Variants in CSMD1 observed in about 807,000 individuals in gnomAD.
CSMD1 encodes the protein CUB and sushi domain-containing protein 1.
Under a neutral mutation model 417.5 loss-of-function variants are expected in CSMD1, and 213 were observed. The ratio of observed to expected loss-of-function variants is 0.51; its 90% CI spans 0.46 to 0.57. CSMD1 has a LOEUF of 0.57. CSMD1 is among the 20% of genes least tolerant of loss of function. The pLI is 0.00. For synonymous variants in CSMD1, 2,862 were observed against 1,736.8 expected (o/e 1.65, Z -16.11); for missense variants, 6,923 against 4,529.7 (o/e 1.53, Z -15.17).
chr8:3,814,947 C>CA (rs1801292197), intron 5 of CSMD1, among the ~76,000 whole-genome samples: 1 of 151,742 alleles, frequency 6.6e-6, no homozygotes, highest in Non-Finnish European at 1.5e-5. Context: ...GTCAGCCATC[C>CA]CAAAAAAATG....
At chr8:3,408,849 T>A (rs909461058) in intron 13 of CSMD1, among the ~76,000 whole-genome samples, 1 of 152,180 alleles carries the variant, frequency 6.6e-6, no homozygotes, top group Non-Finnish European at 1.5e-5. Flanking sequence ...ATCTCTAGAA[T>A]ACATTTTTGC....
chr8:4,216,568 A>C (rs1362127382), intron 3 of CSMD1, among the ~76,000 whole-genome samples: 2 of 152,176 alleles, frequency 1.3e-5, no homozygotes, highest in African/African-American at 4.8e-5. Context: ...GTCTGCTGCC[A>C]CTGCCAACGG....
At chr8:3,958,143 G>C (rs2129952304) in intron 5 of CSMD1, among the ~76,000 whole-genome samples, 1 of 152,252 alleles carries the variant, frequency 6.6e-6, no homozygotes, top group Non-Finnish European at 1.5e-5. Flanking sequence ...AAGTCTTAAT[G>C]AGCATTCTGT....
At chr8:3,964,889 T>G (rs930833781) in intron 5 of CSMD1, among the ~76,000 whole-genome samples, 2 of 152,216 alleles carry the variant, frequency 1.3e-5, no homozygotes, top group Admixed American at 1.3e-4. Flanking sequence ...TTATGCCTAC[T>G]TTTAAAAAGT....
chr8:3,382,997 G>A (rs1443795418), intron 18 of CSMD1, among the ~76,000 whole-genome samples: 8 of 152,226 alleles, frequency 5.3e-5, no homozygotes, highest in South Asian at 4.1e-4. Context: ...AAAGTCAGCC[G>A]AACAATGAGA....
chr8:3,538,629 G>C (rs1798307232), intron 10 of CSMD1, among the ~76,000 whole-genome samples: 1 of 152,238 alleles, frequency 6.6e-6, no homozygotes, highest in East Asian at 1.9e-4. Flanking sequence ...ACTCAACAAA[G>C]GTATAGAGCT....
chr8:4,726,439 C>T (rs1275047738), intron 1 of CSMD1, among the ~76,000 whole-genome samples: 1 of 152,042 alleles, frequency 6.6e-6, no homozygotes, highest in Non-Finnish European at 1.5e-5. Flanking sequence ...GTTTTTAATA[C>T]TCCAGCTCTT....
chr8:4,033,105 A>T (rs911255724), intron 3 of CSMD1, among the ~76,000 whole-genome samples: 1 of 146,904 alleles, frequency 6.8e-6, no homozygotes. Flanking sequence ...ACAATAACTT[A>T]ACTCTTGCAA....
chr8:3,049,230 G>A (rs188026386), intron 50 of CSMD1, among the ~76,000 whole-genome samples: 5 of 152,092 alleles, frequency 3.3e-5, no homozygotes, highest in East Asian at 3.9e-4. Context: ...CTCAACCTTC[G>A]GTATTTACTC....
rs553658387 is a variant in CSMD1, at chr8:3,305,970, G to T, written c.3950+1725C>A. Among the ~76,000 whole-genome samples the T allele has an allele frequency of 2.6e-5, 4 of 152,182 alleles. No homozygotes were observed. The South Asian group carries it at 8.3e-4, about 32-fold the overall frequency. On this transcript the variant is annotated intron_variant, in intron 25 of 69. Transcript: ENST00000635120. The stretch of plus-strand genomic sequence containing the variant: ...GCTGGGATTACAGGCATGAGCCACT[G>T]CACCCGGCCCCACAGTCTGTAATAT...
At position 4,021,543 on chromosome 8, in the gene CSMD1, C is replaced by G. The variant is rs76678165; in HGVS notation, c.610+10362G>C. ...GTGTGGATGCTCCAGCAAGGATCAGCTCCTTCTGAGCAGGTGCACCTGGGA... is the reference window on the plus strand; with the variant it reads ...GTGTGGATGCTCCAGCAAGGATCAGGTCCTTCTGAGCAGGTGCACCTGGGA... On this transcript the variant is annotated intron_variant, in intron 4 of 69. Coordinates refer to ENST00000635120, the MANE Select transcript of CSMD1 (RefSeq NM_033225.6). Among the ~76,000 whole-genome samples, 56 of 152,302 alleles carry G rather than the reference C, an allele frequency of 3.7e-4. 1 individual carries two copies. In the East Asian group the frequency reaches 9.5e-3, roughly 26 times the overall value.
chr8:4,156,512 A>G (rs79567526), intron 3 of CSMD1, among the ~76,000 whole-genome samples: 10,146 of 152,194 alleles, frequency 0.067, 1,135 homozygotes, highest in African/African-American at 0.23. Flanking sequence ...TATGTGTAAT[A>G]AAGTAAGTTC....
chr8:4,992,016 A>C (rs1487622267), intron 1 of CSMD1, among the ~76,000 whole-genome samples: 5 of 152,008 alleles, frequency 3.3e-5, no homozygotes, highest in Admixed American at 2.0e-4. Flanking sequence ...GCACCTCTCC[A>C]GCTCCATGCA....
intron 17 of CSMD1, among the ~76,000 whole-genome samples, chr8:3,390,306 G>T (rs192674019): frequency 7.4e-6 from 1 of 134,462 alleles, no homozygotes; most frequent in Non-Finnish European, 1.5e-5. Context: ...AGTGAGCCAA[G>T]GTTGTGCCGT....
At chr8:3,246,816 C>T (rs760172632) in intron 26 of CSMD1, among the ~76,000 whole-genome samples, 1 of 152,132 alleles carries the variant, frequency 6.6e-6, no homozygotes, top group Non-Finnish European at 1.5e-5. Context: ...ATTTCTCATT[C>T]CCCTGACACA....
At chr8:4,013,031 T>C (rs1376132876) in intron 4 of CSMD1, among the ~76,000 whole-genome samples, 1 of 152,180 alleles carries the variant, frequency 6.6e-6, no homozygotes, top group Admixed American at 6.5e-5. Context: ...AATAGGTTTT[T>C]TATTTTTTCC....
intron 12 of CSMD1, among the ~76,000 whole-genome samples, chr8:3,463,005 A>G (rs1816604626): frequency 6.6e-6 from 1 of 152,246 alleles, no homozygotes; most frequent in African/African-American, 2.4e-5. Flanking sequence ...GTGAGGACAC[A>G]GTGAGAAGGC....
At chr8:3,684,559 C>T (rs1439430232) in intron 7 of CSMD1, among the ~76,000 whole-genome samples, 12 of 149,150 alleles carry the variant, frequency 8.0e-5, no homozygotes, top group Admixed American at 8.0e-4. Flanking sequence ...CTTTCTATAT[C>T]ATCATTGTTG....
intron 10 of CSMD1, among the ~76,000 whole-genome samples, chr8:3,500,868 T>C (rs552802864): frequency 1.3e-5 from 2 of 152,294 alleles, no homozygotes; most frequent in South Asian, 4.1e-4. Flanking sequence ...CTCTCAGGTA[T>C]CTTAACTAAC....
Sources: gnomAD v4.1 joint callset for allele counts (sites outside exome capture counted in the v4.1 genomes callset) on GRCh38, gnomAD v4.1.1 for gene constraint, MANE v1.5 for transcripts, NCBI Gene and HGNC (gene_info 2026-07-23, HGNC 2026-07-21) for gene names.